The following SFI1 variants were observed in gnomAD, a reference collection of about 807,000 sequenced individuals.
SFI1 encodes the protein protein SFI1 homolog.
SFI1 carries 195 observed loss-of-function variants against 207.5 expected under a neutral mutation model. The ratio of observed to expected loss-of-function variants is 0.94; its 90% CI spans 0.84 to 1.06. The LOEUF (loss-of-function observed/expected upper bound fraction) is 1.06, where lower values mean the gene tolerates loss of function less well. Among genes scored for constraint, SFI1 ranks in the 50% least tolerant of loss-of-function variants. The pLI is 0.00. For synonymous variants in SFI1, 630 were observed against 598.9 expected (o/e 1.05, Z -0.76); for missense variants, 1,634 against 1,588.0 (o/e 1.03, Z -0.49).
chr22:31,606,674 A>T, intron 21 of SFI1: 1 of 342,572 alleles, frequency 2.9e-6, no homozygotes, highest in Non-Finnish European at 5.2e-6. Flanking sequence ...TCTTATCAGA[A>T]CCAGTATTTT....
intron 4 of SFI1, among the ~76,000 whole-genome samples, chr22:31,532,309 A>C (rs988943272): frequency 6.6e-6 from 1 of 152,146 alleles, no homozygotes; most frequent in African/African-American, 2.4e-5. Flanking sequence ...TGTATAGACC[A>C]GTGCTGCCCA....
chr22:31,498,152 G>A (rs1222661696), intron 1 of SFI1, among the ~76,000 whole-genome samples: 5 of 152,120 alleles, frequency 3.3e-5, no homozygotes, highest in African/African-American at 7.2e-5. Flanking sequence ...AATATTAGCC[G>A]GATGTGGTGG....
intron 2 of SFI1, among the ~76,000 whole-genome samples, chr22:31,513,378 T>C (rs1412956039): frequency 6.6e-6 from 1 of 152,012 alleles, no homozygotes. Context: ...AGGCTGGTCT[T>C]GAACTCCTGG....
Position 31,603,825 on chromosome 22 carries a change from G to T in SFI1, c.1881+6G>T. ...CCTGGAGCCAGTGGAGGGAGGTAAGGCTTTGGTGCGAGGTGCCACCCGTGT... is the reference window on the plus strand; with the variant it reads ...CCTGGAGCCAGTGGAGGGAGGTAAGTCTTTGGTGCGAGGTGCCACCCGTGT... On this transcript the variant is annotated splice_donor_region_variant and intron_variant, in intron 18 of 32. Transcript: ENST00000400288. 8.9e-6 allele frequency: 14 copies of T among 1,574,042 alleles called. No individual in the cohort carries two copies. The highest frequency in any genetic ancestry group is 1.0e-5 in the Non-Finnish European group (12 of 1,167,862).
chr22:31,566,475 G>A (rs1341692247), intron 8 of SFI1, among the ~76,000 whole-genome samples: 1 of 152,190 alleles, frequency 6.6e-6, no homozygotes, highest in Non-Finnish European at 1.5e-5. Flanking sequence ...CCATACCAAT[G>A]CCATACTGGT....
At position 31,589,526 on chromosome 22, in the gene SFI1, G is replaced by C. The variant is rs749627853; in HGVS notation, c.1493G>C (p.Arg498Pro). ...TTCCACACATGGAACAGACTCTGGCGATGGCGCCACCAGGAAAATGTCCTC... is the reference window on the plus strand; with the variant it reads ...TTCCACACATGGAACAGACTCTGGCCATGGCGCCACCAGGAAAATGTCCTC... Reference protein sequence around the residue: ...AAFHTWNRLWRWRHQENVLSA... With the variant: ...AAFHTWNRLWPWRHQENVLSA... Residue 498 changes from arginine (R) to proline (P), a missense_variant, in exon 15 of 33, where the codon CGA (arginine) becomes CCA (proline). Transcript: ENST00000400288. 1.2e-6 allele frequency: 2 copies of C among 1,613,984 alleles called. No individual in the cohort carries two copies. Among genetic ancestry groups the C allele is most frequent in the African/African-American group, 2.7e-5 (2 of 75,020 alleles).
intron 17 of SFI1, among the ~76,000 whole-genome samples, chr22:31,603,157 C>T (rs1352950387): frequency 6.6e-6 from 1 of 152,134 alleles, no homozygotes; most frequent in Non-Finnish European, 1.5e-5. Context: ...GGCATGAACC[C>T]GGGAAGTGAA....
chr22:31,561,231 C>G lies in SFI1; in HGVS notation c.663-59C>G, dbSNP rs889084269. The G allele has an allele frequency of 1.3e-5, 19 of 1,500,230 alleles. No individual in the cohort carries two copies. The African/African-American group carries it at 2.5e-4, about 20-fold the overall frequency. 92.9% of individuals were successfully genotyped at this position (1,500,230 alleles called of 1,614,324 possible). Reference sequence around the variant, plus strand: ...GTCTGAGGCCCCACACTAACTGCTCCTCTCTTTCCTGAGTGGCTTTTTACT... The same window carrying G: ...GTCTGAGGCCCCACACTAACTGCTCGTCTCTTTCCTGAGTGGCTTTTTACT... On this transcript the variant is annotated intron_variant, in intron 7 of 32. Transcript: ENST00000400288.
At chr22:31,496,863 C>T (rs1168094570) in intron 1 of SFI1, among the ~76,000 whole-genome samples, 1 of 152,236 alleles carries the variant, frequency 6.6e-6, no homozygotes, top group East Asian at 1.9e-4. Context: ...GCCTGCCATC[C>T]TCTCCCGCCG....
At chr22:31,583,825 T>C in intron 12 of SFI1, 50 bp from the exon 13 acceptor site, 1 of 1,530,528 alleles carries the variant, frequency 6.5e-7, no homozygotes, top group Non-Finnish European at 9.1e-7. Flanking sequence ...GGATTCACTG[T>C]TTTACCTTTC....
At chr22:31,513,782 T>C (rs1423144783) in intron 2 of SFI1, among the ~76,000 whole-genome samples, 1 of 151,762 alleles carries the variant, frequency 6.6e-6, no homozygotes, top group African/African-American at 2.4e-5. Flanking sequence ...GGTTTCACCA[T>C]GTTGATCAGG....
At position 31,550,300 on chromosome 22, in the gene SFI1, C is replaced by G. The variant is rs761081209; in HGVS notation, c.496C>G (p.Arg166Gly). 4 of 1,613,888 alleles carry G rather than the reference C, an allele frequency of 2.5e-6. No homozygotes were observed. Among genetic ancestry groups the G allele is most frequent in the Non-Finnish European group, 3.4e-6 (4 of 1,179,992 alleles). The stretch of plus-strand genomic sequence containing the variant: ...GTTCCAGACGTGGAAGACCTATGTG[C>G]GTCAGCAGCAGGAGATGAGGAACAA... ...LMFQTWKTYV[R>G]QQQEMRNKYI... The change falls in exon 6 of 33, where the codon CGT (arginine) becomes GGT (glycine). Residue 166 changes from arginine (R) to glycine (G), a missense_variant. Physicochemically the swap from Arg to Gly is moderately radical, Grantham distance 125 (BLOSUM62 -2). Transcript: ENST00000400288.
rs2067734583 is a variant in SFI1 at position 31,599,375 on chromosome 22, C to T, written c.1545-2837C>T. Among the ~76,000 whole-genome samples, 2 of 151,698 alleles carry T rather than the reference C, an allele frequency of 1.3e-5. 1 individual carries two copies. Among genetic ancestry groups the T allele is most frequent in the South Asian group, 4.2e-4 (2 of 4,816 alleles). Reference sequence around the variant, plus strand: ...CTCGCTCTATTGCCAGGCTGGAGTGCAGTGGCAGTGGCACAATCTCGGCTC... The same window carrying T: ...CTCGCTCTATTGCCAGGCTGGAGTGTAGTGGCAGTGGCACAATCTCGGCTC... On this transcript the variant is annotated intron_variant, in intron 15 of 32. Coordinates refer to ENST00000400288, the MANE Select transcript of SFI1 (RefSeq NM_001007467.3).
chr22:31,542,881 C>T (rs1464023958), intron 4 of SFI1, among the ~76,000 whole-genome samples: 1 of 151,764 alleles, frequency 6.6e-6, no homozygotes, highest in African/African-American at 2.4e-5. Context: ...AGGCTGGTCT[C>T]AAACTCCTGA....
rs533113024 is a variant in SFI1, at chr22:31,543,616, C to T, written c.339-3245C>T. Reference sequence around the variant, plus strand: ...CCCGAGCTCAGGAGTTCGAGACCAGCCTGGCCATCGTGGCAAAACCCCATC... The same window carrying T: ...CCCGAGCTCAGGAGTTCGAGACCAGTCTGGCCATCGTGGCAAAACCCCATC... On this transcript the variant is annotated intron_variant, in intron 4 of 32. Transcript: ENST00000400288. Among the ~76,000 whole-genome samples, 3 of 151,982 alleles carry T rather than the reference C, an allele frequency of 2.0e-5. No individual in the cohort carries two copies. In the East Asian group the frequency reaches 5.8e-4, roughly 30 times the overall value.
Position 31,615,219 on chromosome 22 carries a change from G to A in SFI1, c.3240G>A (p.Pro1080=), listed in dbSNP as rs753512119. The A allele has an allele frequency of 2.8e-5, 43 of 1,554,670 alleles. No individual in the cohort carries two copies. Among genetic ancestry groups the A allele is most frequent in the Admixed American group, 4.1e-5 (2 of 49,226 alleles). ...PKQPPTASTG[P]ELLLLPLSSF... Reference sequence around the variant, plus strand: ...AGCCCCCGACGGCAAGCACAGGCCCGGAGCTGCTGCTGCTGCCTCTTTCCT... The same window carrying A: ...AGCCCCCGACGGCAAGCACAGGCCCAGAGCTGCTGCTGCTGCCTCTTTCCT... The change falls in exon 29 of 33, where the codon CCG becomes CCA. Residue 1080 remains proline (P), a synonymous_variant. Coordinates refer to ENST00000400288, the MANE Select transcript of SFI1 (RefSeq NM_001007467.3).
At chr22:31,558,361 C>A (rs914789089) in intron 7 of SFI1, among the ~76,000 whole-genome samples, 2 of 151,948 alleles carry the variant, frequency 1.3e-5, no homozygotes, top group African/African-American at 4.8e-5. Flanking sequence ...GACCCTATCT[C>A]TACACACAAA....
rs772973459 is a variant in SFI1, at chr22:31,614,835, C to G, written c.3043C>G (p.Leu1015Val). ...ARKQPRRPHF[L>V]LEPAQSQRPQ... Reference sequence around the variant, plus strand: ...GAAGCAGCCGCGACGCCCACACTTCCTGTTGGAGCCTGCGCAGAGCCAGAG... The same window carrying G: ...GAAGCAGCCGCGACGCCCACACTTCGTGTTGGAGCCTGCGCAGAGCCAGAG... Residue 1015 changes from leucine to valine, a missense_variant, in exon 28 of 33, where the codon CTG becomes GTG. Physicochemically the swap from Leu to Val is conservative, Grantham distance 32. Coordinates refer to ENST00000400288, the MANE Select transcript of SFI1 (RefSeq NM_001007467.3). 6.2e-7 allele frequency: 1 copy of G among 1,613,860 alleles called. No homozygotes were observed. Among genetic ancestry groups the G allele is most frequent in the South Asian group, 1.1e-5 (1 of 91,068 alleles).
intron 29 of SFI1, chr22:31,616,236 G>A (rs1445351430): frequency 6.5e-6 from 1 of 152,696 alleles, no homozygotes; most frequent in Non-Finnish European, 1.5e-5. Context: ...GGTGAGTTAG[G>A]CCATGTGGGG....
Sources: gnomAD v4.1 joint callset for allele counts (sites outside exome capture counted in the v4.1 genomes callset) on GRCh38, gnomAD v4.1.1 for gene constraint, MANE v1.5 for transcripts, NCBI Gene and HGNC (gene_info 2026-07-23, HGNC 2026-07-21) for gene names.